DYNC1LI1: variants seen among roughly 807,000 people sequenced by gnomAD.
DYNC1LI1 encodes the protein dynein cytoplasmic 1 light intermediate chain 1.
In DYNC1LI1, 19 loss-of-function variants were observed where a neutral mutation model predicts 63.8. The ratio of observed to expected loss-of-function variants is 0.30; its 90% CI spans 0.21 to 0.44. The LOEUF (loss-of-function observed/expected upper bound fraction) is 0.44. Ranked by LOEUF, DYNC1LI1 falls within the 20% of genes least tolerant of loss-of-function variation. DYNC1LI1 has a pLI of 1.00. For missense variants in DYNC1LI1, 565 were observed against 630.2 expected (o/e 0.90, Z 1.11); for synonymous variants, 225 against 232.3 (o/e 0.97, Z 0.28).
intron 11 of DYNC1LI1, 72 bp downstream of exon 11, chr3:32,529,468 A>G (rs1393758289): frequency 3.5e-6 from 5 of 1,426,094 alleles, no homozygotes; most frequent in Non-Finnish European, 2.9e-6. Flanking sequence ...TTATGGCAAA[A>G]GGTGGAATTT....
At chr3:32,540,527 A>C (rs1156892964) in intron 5 of DYNC1LI1, among the ~76,000 whole-genome samples, 1 of 151,836 alleles carries the variant, frequency 6.6e-6, no homozygotes, top group Non-Finnish European at 1.5e-5. Flanking sequence ...TAAAAATACA[A>C]AAAATTAGGT....
At chr3:32,539,887 CAG>C (rs1467535605) in intron 5 of DYNC1LI1, among the ~76,000 whole-genome samples, 3 of 144,466 alleles carry the variant, frequency 2.1e-5, no homozygotes, top group African/African-American at 7.7e-5. Context: ...AATTTTGAGA[CAG>C]AGTCTCACTC....
intron 2 of DYNC1LI1, among the ~76,000 whole-genome samples, chr3:32,550,953 A>G (rs899690136): frequency 1.1e-4 from 16 of 152,132 alleles, no homozygotes; most frequent in Admixed American, 2.6e-4. Flanking sequence ...GTGAGATCCC[A>G]TCTCTATTTA....
chr3:32,542,030 T>G (rs953109159), intron 4 of DYNC1LI1, among the ~76,000 whole-genome samples: 1 of 152,172 alleles, frequency 6.6e-6, no homozygotes, highest in Non-Finnish European at 1.5e-5. Context: ...TTGTAGGAAA[T>G]AGTAACATTA....
At chr3:32,557,255 C>T (rs1698127097) in intron 2 of DYNC1LI1, among the ~76,000 whole-genome samples, 1 of 152,174 alleles carries the variant, frequency 6.6e-6, no homozygotes, top group Non-Finnish European at 1.5e-5. Context: ...GTGGCTTAGG[C>T]CTGTAATCCC....
At chr3:32,554,896 C>T (rs1466228885) in intron 2 of DYNC1LI1, among the ~76,000 whole-genome samples, 1 of 110,056 alleles carries the variant, frequency 9.1e-6, no homozygotes, top group African/African-American at 3.6e-5. Context: ...TTGAGACAGA[C>T]TCTCACTTTG....
chr3:32,541,616 T>C (rs1179502616), intron 4 of DYNC1LI1, among the ~76,000 whole-genome samples: 2 of 152,232 alleles, frequency 1.3e-5, no homozygotes, highest in Non-Finnish European at 2.9e-5. Flanking sequence ...CTAACTTCTT[T>C]CACTAAACCC....
chr3:32,570,837 G>C lies in DYNC1LI1; in HGVS notation c.-67C>G. 1 of 1,532,960 alleles carries C rather than the reference G, an allele frequency of 6.5e-7. No homozygotes were observed. Among genetic ancestry groups the C allele is most frequent in the South Asian group, 1.2e-5 (1 of 81,832 alleles). 95.0% of individuals were successfully genotyped at this position (1,532,960 alleles called of 1,614,324 possible). A position where few individuals can be genotyped will look rare whatever the true frequency, so the allele number is the denominator to read the frequency against. ...CGAGGCGGCTGAGGCGGTGGCGGTG[G>C]AGGCGGCGGGAACCCGGATATGGGG... On this transcript the variant is annotated 5_prime_UTR_variant, in exon 1 of 13. Coordinates refer to ENST00000273130, the MANE Select transcript of DYNC1LI1 (RefSeq NM_016141.4).
chr3:32,544,740 C>T, intron 4 of DYNC1LI1, 136 bp downstream of exon 4: 2 of 633,364 alleles, frequency 3.2e-6, no homozygotes, highest in East Asian at 2.8e-5. Flanking sequence ...AGACTCTTGT[C>T]TCCAAAAAAA....
At position 32,568,524 on chromosome 3, in the gene DYNC1LI1, T is replaced by C. The variant is rs538976154; in HGVS notation, c.220+1822A>G. Among the ~76,000 whole-genome samples, 11 of 152,142 alleles carry C rather than the reference T, an allele frequency of 7.2e-5. No homozygotes were observed. The South Asian group carries it at 2.3e-3, about 32-fold the overall frequency. On this transcript the variant is annotated intron_variant, in intron 2 of 12. Transcript: ENST00000273130. The stretch of plus-strand genomic sequence containing the variant: ...ACTATTAAGTTCATAAAAAAGGAAA[T>C]TTAATCTATTCTTGTATGGTGGAGT...
At chr3:32,563,332 C>T (rs969712412) in intron 2 of DYNC1LI1, among the ~76,000 whole-genome samples, 1 of 149,950 alleles carries the variant, frequency 6.7e-6, no homozygotes, top group African/African-American at 2.5e-5. Flanking sequence ...GCTTGGTCAC[C>T]CAGGCTGGAG....
intron 2 of DYNC1LI1, among the ~76,000 whole-genome samples, chr3:32,568,568 T>C (rs1017097649): frequency 9.9e-5 from 15 of 152,044 alleles, no homozygotes; most frequent in Admixed American, 8.5e-4. Context: ...CTGGGACCTC[T>C]AAGAACACTC....
At chr3:32,552,762 G>GT (rs2125441410) in intron 2 of DYNC1LI1, among the ~76,000 whole-genome samples, 1 of 152,282 alleles carries the variant, frequency 6.6e-6, no homozygotes, top group Admixed American at 6.5e-5. Context: ...CTGGAGTGCA[G>GT]GGGTGCGATC....
intron 2 of DYNC1LI1, among the ~76,000 whole-genome samples, chr3:32,559,916 G>A (rs2125444431): frequency 6.6e-6 from 1 of 152,284 alleles, no homozygotes; most frequent in South Asian, 2.1e-4. Flanking sequence ...CCTTCCACAG[G>A]TTATCTGGAG....
intron 2 of DYNC1LI1, among the ~76,000 whole-genome samples, chr3:32,560,700 G>A (rs1365775733): frequency 6.6e-6 from 1 of 151,800 alleles, no homozygotes; most frequent in Non-Finnish European, 1.5e-5. Flanking sequence ...GTCTAGATAT[G>A]AATTAAAAAT....
intron 6 of DYNC1LI1, among the ~76,000 whole-genome samples, chr3:32,536,151 GCTTT>G (rs1275512074): frequency 4.6e-5 from 7 of 152,088 alleles, no homozygotes; most frequent in East Asian, 1.9e-4. Flanking sequence ...TCTTATTCAG[GCTTT>G]CTTTAAGTGG....
At chr3:32,564,990 A>G (rs1344932333) in intron 2 of DYNC1LI1, among the ~76,000 whole-genome samples, 1 of 152,210 alleles carries the variant, frequency 6.6e-6, no homozygotes. Context: ...AGGGGGGGAA[A>G]AAAGACTTTC....
intron 2 of DYNC1LI1, among the ~76,000 whole-genome samples, chr3:32,559,477 G>T (rs62252801): frequency 6.6e-6 from 1 of 152,024 alleles, no homozygotes; most frequent in East Asian, 1.9e-4. Context: ...GAGTTAAAGC[G>T]ATCTGCCCAC....
At chr3:32,563,417 G>A (rs769378972) in intron 2 of DYNC1LI1, among the ~76,000 whole-genome samples, 10 of 150,598 alleles carry the variant, frequency 6.6e-5, no homozygotes, top group East Asian at 2.0e-4. Context: ...TCTACCTCTC[G>A]AGTGGCTGGG....
Sources: gnomAD v4.1 joint callset for allele counts (sites outside exome capture counted in the v4.1 genomes callset) on GRCh38, gnomAD v4.1.1 for gene constraint, MANE v1.5 for transcripts, NCBI Gene and HGNC (gene_info 2026-07-23, HGNC 2026-07-21) for gene names.